VPS13D: variants seen among roughly 807,000 people sequenced by gnomAD.
VPS13D encodes the protein intermembrane lipid transfer protein VPS13D.
VPS13D carries 187 observed loss-of-function variants against 461.9 expected under a neutral mutation model. The observed-to-expected ratio is 0.40, with a 90% confidence interval of 0.36 to 0.46. The LOEUF (loss-of-function observed/expected upper bound fraction) is 0.46, where lower values mean the gene tolerates loss of function less well. VPS13D is among the 20% of genes least tolerant of loss of function. The pLI is 0.60. For synonymous variants in VPS13D, 1,951 were observed against 1,986.3 expected, an observed-to-expected ratio of 0.98 and a Z score of 0.47; for missense variants, 4,711 against 5,364.9, an observed-to-expected ratio of 0.88 and a Z score of 3.81.
rs372296430 is a variant in VPS13D at position 12,304,424 on chromosome 1, G to C, written c.6217-82G>C. ...CCCTAGGGACTGGGATAGGACTTTG[G>C]AGATATTAAAGATAGAGTCCCACCA... On this transcript the variant is annotated intron_variant, in intron 25 of 69. Coordinates refer to ENST00000620676, the MANE Select transcript of VPS13D (RefSeq NM_015378.4). The C allele has an allele frequency of 1.6e-4, 204 of 1,289,918 alleles. No individual in the cohort carries two copies. In the African/African-American group the frequency reaches 2.8e-3, roughly 18 times the overall value. 79.9% of individuals were successfully genotyped at this position (1,289,918 alleles called of 1,614,324 possible). A position where few individuals can be genotyped will look rare whatever the true frequency, so the allele number is the denominator to read the frequency against.
chr1:12,361,357 TTTTTTA>T (rs1186772171), intron 50 of VPS13D, among the ~76,000 whole-genome samples: 37 of 150,584 alleles, frequency 2.5e-4, no homozygotes, highest in Non-Finnish European at 4.6e-4. Context: ...TCCCACTGAA[TTTTTTA>T]TTTTTATTTT....
intron 42 of VPS13D, 50 bp downstream of exon 42, chr1:12,343,101 T>C: frequency 6.5e-7 from 1 of 1,528,542 alleles, no homozygotes. Flanking sequence ...TGGATGTAAG[T>C]GAGGGTCCCT....
At chr1:12,304,163 A>T (rs1642498174) in intron 25 of VPS13D, among the ~76,000 whole-genome samples, 1 of 152,220 alleles carries the variant, frequency 6.6e-6, no homozygotes, top group South Asian at 2.1e-4. Context: ...TAGCTGAGAG[A>T]CTTGCTTTTG....
At chr1:12,290,877 G>C (rs989451798) in intron 22 of VPS13D, 121 bp from the exon 23 acceptor site, 1 of 944,786 alleles carries the variant, frequency 1.1e-6, no homozygotes, top group Non-Finnish European at 1.5e-6. Flanking sequence ...ATTTGCTTTT[G>C]AGGTTTGATT....
chr1:12,245,186 T>C (rs1490739257), intron 5 of VPS13D, among the ~76,000 whole-genome samples: 2 of 152,236 alleles, frequency 1.3e-5, no homozygotes, highest in Non-Finnish European at 2.9e-5. Flanking sequence ...AATTATACTT[T>C]TGTTTCATCC....
At chr1:12,309,076 C>T (rs1459573746) in intron 27 of VPS13D, among the ~76,000 whole-genome samples, 2 of 152,032 alleles carry the variant, frequency 1.3e-5, no homozygotes, top group Non-Finnish European at 2.9e-5. Context: ...TTATTGAGTC[C>T]CTACTATGTG....
rs1557680919 is a variant in VPS13D, at chr1:12,277,157, G to A, written c.3569G>A (p.Gly1190Asp). ...GGCATGGCAAATAGAGAGAAATATG[G>A]CAGAAAAATTGCAACTGCAAGTATA... Reference protein sequence around the residue: ...TVGMANREKYGRKIATASIGG... With the variant: ...TVGMANREKYDRKIATASIGG... The change falls in exon 19 of 70, where the codon GGC becomes GAC. Residue 1190 changes from glycine to aspartate, a missense_variant. By Grantham distance (94) the Gly-to-Asp change is moderately conservative (BLOSUM62 -1). Around this residue, in one of 3 missense-constraint regions of VPS13D, gnomAD observed 4,411 missense variants for 4,937.8 expected, o/e 0.89. Coordinates refer to ENST00000620676, the MANE Select transcript of VPS13D (RefSeq NM_015378.4). 6.2e-7 allele frequency: 1 copy of A among 1,614,134 alleles called. No individual in the cohort carries two copies. The highest frequency in any genetic ancestry group is 8.5e-7 in the Non-Finnish European group (1 of 1,180,020).
intron 65 of VPS13D, among the ~76,000 whole-genome samples, chr1:12,433,087 A>G (rs1645013521): frequency 6.6e-6 from 1 of 152,204 alleles, no homozygotes; most frequent in Non-Finnish European, 1.5e-5. Flanking sequence ...GAGGGTGCAC[A>G]GGCATGTGGC....
chr1:12,248,338 T>G (rs1437507875), intron 5 of VPS13D, among the ~76,000 whole-genome samples: 1 of 151,742 alleles, frequency 6.6e-6, no homozygotes, highest in Non-Finnish European at 1.5e-5. Context: ...ATTATTATTA[T>G]TATTATTATT....
rs775519636 is a variant in VPS13D at position 12,267,917 on chromosome 1, C to G, written c.1798C>G (p.Pro600Ala). 6.2e-7 allele frequency: 1 copy of G among 1,612,632 alleles called. No homozygotes were observed. Among genetic ancestry groups the G allele is most frequent in the Non-Finnish European group, 8.5e-7 (1 of 1,179,424 alleles). Residue 600 changes from proline (P) to alanine (A), a missense_variant, in exon 15 of 70, where the codon CCA (proline) becomes GCA (alanine). Pro to Ala is a conservative substitution (Grantham distance 27, BLOSUM62 -1). This residue lies in a region of VPS13D where 4,411 missense variants were observed against 4,937.8 expected (regional missense o/e 0.89). Transcript: ENST00000620676. ...ATCTGCAGACAGAAGTGATCATTAC[C>G]CAGGTAATTTGTCCTATGTTGTTTT... is the stretch of plus-strand genomic sequence containing the variant. ...TTSADRSDHY[P>A]AADPDGPVFE...
At chr1:12,267,099 C>A in intron 14 of VPS13D, 88 bp downstream of exon 14, 1 of 1,345,420 alleles carries the variant, frequency 7.4e-7, no homozygotes, top group Non-Finnish European at 9.8e-7. Context: ...TTCATTCTGA[C>A]ATTTGATCAT....
At chr1:12,330,002 T>A in intron 37 of VPS13D, 84 bp downstream of exon 37, 1 of 945,020 alleles carries the variant, frequency 1.1e-6, no homozygotes, top group Non-Finnish European at 1.6e-6. Flanking sequence ...AAATTTTACA[T>A]GAAGGAAAGG....
chr1:12,285,435 TGC>T (rs1390948471), intron 21 of VPS13D, among the ~76,000 whole-genome samples: 1 of 151,476 alleles, frequency 6.6e-6, no homozygotes, highest in African/African-American at 2.4e-5. Context: ...GGATTACAGG[TGC>T]GCGCCGCCAT....
At chr1:12,357,867 G>T (rs758801979) in intron 49 of VPS13D, among the ~76,000 whole-genome samples, 5 of 152,098 alleles carry the variant, frequency 3.3e-5, no homozygotes, top group Non-Finnish European at 5.9e-5. Context: ...AGCCGGGTGT[G>T]GTGGCGCTCG....
chr1:12,371,515 T>G (rs1407779232), intron 54 of VPS13D, among the ~76,000 whole-genome samples: 3 of 151,668 alleles, frequency 2.0e-5, no homozygotes, highest in African/African-American at 4.8e-5. Flanking sequence ...CTCAGACTCC[T>G]GAGTAGCTGG....
intron 9 of VPS13D, among the ~76,000 whole-genome samples, 185 bp from the exon 10 acceptor site, chr1:12,257,750 C>T (rs1296581935): frequency 1.3e-5 from 2 of 149,834 alleles, no homozygotes; most frequent in Non-Finnish European, 2.9e-5. Context: ...ATTTGATGTT[C>T]TTTGGCAGAT....
At position 12,500,299 on chromosome 1, in the gene VPS13D, C is replaced by T. The variant is rs545521838; in HGVS notation, c.12794+2668C>T. On this transcript the variant is annotated intron_variant, in intron 68 of 69. Coordinates refer to ENST00000620676, the MANE Select transcript of VPS13D (RefSeq NM_015378.4). ...TTCCTCTGATAAGTTGCACAATTGTCATTGCTTCCCATCTTTCTCAGTTTT... is the reference window on the plus strand; with the variant it reads ...TTCCTCTGATAAGTTGCACAATTGTTATTGCTTCCCATCTTTCTCAGTTTT... The T allele has an allele frequency of 1.0e-5, 9 of 879,034 alleles. No homozygotes were observed. The Admixed American group carries it at 4.3e-4, about 42-fold the overall frequency. The allele number at this position is 879,034 out of a possible 1,614,324, so 54.5% of individuals were successfully genotyped here.
chr1:12,293,505 C>A lies in VPS13D; in HGVS notation c.5853-19C>A. 1 of 1,580,796 alleles carries A rather than the reference C, an allele frequency of 6.3e-7. No homozygotes were observed. On this transcript the variant is annotated intron_variant, in intron 23 of 69. Transcript: ENST00000620676. ...GTGTCTTGCTGTTATCTGAGTCACACTTTTATCCTAATTTTTAGATACGGA... is the reference window on the plus strand; with the variant it reads ...GTGTCTTGCTGTTATCTGAGTCACAATTTTATCCTAATTTTTAGATACGGA...
intron 25 of VPS13D, among the ~76,000 whole-genome samples, chr1:12,303,427 G>A (rs1283195260): frequency 2.0e-5 from 3 of 152,222 alleles, no homozygotes; most frequent in Admixed American, 6.5e-5. Flanking sequence ...CAGAGAGGAT[G>A]TAGAGATGAA....
Sources: allele counts gnomAD v4.1 joint callset (sites outside exome capture counted in the v4.1 genomes callset), GRCh38; gene constraint gnomAD v4.1.1; regional missense constraint gnomAD v4.1.1; transcripts MANE v1.5; gene names NCBI Gene and HGNC (gene_info 2026-07-23, HGNC 2026-07-21).